Variants in PGR observed in about 807,000 individuals in gnomAD.
PGR encodes progesterone receptor.
PGR carries 25 observed loss-of-function variants against 76.1 expected under a neutral mutation model. That is an observed-to-expected ratio of 0.33 (90% CI 0.24 to 0.46). The LOEUF (loss-of-function observed/expected upper bound fraction) is 0.46. PGR is among the 20% of genes least tolerant of loss of function. The pLI is 1.00. For missense variants in PGR, 1,172 were observed against 1,225.3 expected, an observed-to-expected ratio of 0.96 and a Z score of 0.65; for synonymous variants, 579 against 535.0, an observed-to-expected ratio of 1.08 and a Z score of -1.14.
At chr11:101,039,451 T>A (rs1198289546) in intron 7 of PGR, among the ~76,000 whole-genome samples, 180 bp from the exon 8 acceptor site, 1 of 152,002 alleles carries the variant, frequency 6.6e-6, no homozygotes, top group Non-Finnish European at 1.5e-5. Flanking sequence ...AAATGTTATA[T>A]ACTCATGATA....
chr11:101,112,366 C>T (rs1276215775), intron 2 of PGR, among the ~76,000 whole-genome samples: 1 of 151,880 alleles, frequency 6.6e-6, no homozygotes, highest in Non-Finnish European at 1.5e-5. Flanking sequence ...TTAAATGTTG[C>T]GGGAGGATTG....
At chr11:101,119,507 T>A (rs1289646695) in intron 2 of PGR, among the ~76,000 whole-genome samples, 2 of 152,280 alleles carry the variant, frequency 1.3e-5, no homozygotes, top group African/African-American at 4.8e-5. Context: ...CAAATGGTCA[T>A]CTCGTCTTTG....
chr11:101,035,243 AT>A lies in PGR; in HGVS notation c.*3872del, dbSNP rs1859469692. 3 of 224,426 alleles carry A rather than the reference AT, an allele frequency of 1.3e-5. No individual in the cohort carries two copies. Among genetic ancestry groups the A allele is most frequent in the African/African-American group, 6.7e-5 (3 of 44,872 alleles). The allele number at this position is 224,426 out of a possible 1,614,324, so 13.9% of individuals were successfully genotyped here. On this transcript the variant is annotated 3_prime_UTR_variant, in exon 8 of 8. Coordinates refer to ENST00000325455, the MANE Select transcript of PGR (RefSeq NM_000926.4). ...AGAGTATCTTTAAATTTGAAAAAAA[AT>A]GTATGTTTTGGCAAGTTTTGAATGC... is the stretch of plus-strand genomic sequence containing the variant.
chr11:101,128,615 C>T lies in PGR; in HGVS notation c.456G>A (p.Pro152=), dbSNP rs1862979155. ...LFGPELPEDP[P]AAPATQRVLS... is the part of the protein sequence containing the mutation. ...ACACCCGCTGGGTGGCGGGGGCAGC[C>T]GGTGGATCTTCGGGAAGTTCGGGGC... is the stretch of plus-strand genomic sequence containing the variant. Residue 152 remains proline (P), a synonymous_variant, in exon 1 of 8, where the codon CCG becomes CCA. Coordinates refer to ENST00000325455, the MANE Select transcript of PGR (RefSeq NM_000926.4). 5 of 1,589,930 alleles carry T rather than the reference C, an allele frequency of 3.1e-6. No individual in the cohort carries two copies. In the East Asian group the frequency reaches 9.1e-5, roughly 29 times the overall value.
chr11:101,109,817 T>C (rs985846210), intron 2 of PGR, among the ~76,000 whole-genome samples: 2 of 152,222 alleles, frequency 1.3e-5, no homozygotes, highest in Non-Finnish European at 2.9e-5. Context: ...CTTTCAGAGC[T>C]AGATAGGAGA....
Position 101,031,304 on chromosome 11 carries a change from G to A in PGR, c.*7812C>T, listed in dbSNP as rs147888503. On this transcript the variant is annotated 3_prime_UTR_variant, in exon 8 of 8. Coordinates refer to ENST00000325455, the MANE Select transcript of PGR (RefSeq NM_000926.4). Reference sequence around the variant, plus strand: ...ACCAGGCATAACTAACAAGGGACTGGTGTATGGCCAGTGAGGACCTGGAGA... The same window carrying A: ...ACCAGGCATAACTAACAAGGGACTGATGTATGGCCAGTGAGGACCTGGAGA... 13 of 223,796 alleles carry A rather than the reference G, an allele frequency of 5.8e-5. No individual in the cohort carries two copies. The highest frequency in any genetic ancestry group is 2.9e-4 in the African/African-American group (13 of 44,918). 13.9% of individuals were successfully genotyped at this position (223,796 alleles called of 1,614,324 possible).
rs1203294596 is a variant in PGR, at chr11:101,030,285, C to CA, written c.*8830dup. On this transcript the variant is annotated 3_prime_UTR_variant, in exon 8 of 8. Coordinates refer to ENST00000325455, the MANE Select transcript of PGR (RefSeq NM_000926.4). ...TTTGAAGATTGCATCAACTTCAACACAAAAAAATGTGAATATCTACCATGT... is the reference window on the plus strand; with the variant it reads ...TTTGAAGATTGCATCAACTTCAACACAAAAAAAATGTGAATATCTACCATGT... The CA allele has an allele frequency of 2.2e-5, 5 of 224,198 alleles. No homozygotes were observed. Among genetic ancestry groups the CA allele is most frequent in the African/African-American group, 4.5e-5 (2 of 44,918 alleles). 13.9% of individuals were successfully genotyped at this position (224,198 alleles called of 1,614,324 possible). A position where few individuals can be genotyped will look rare whatever the true frequency, so the allele number is the denominator to read the frequency against.
intron 3 of PGR, among the ~76,000 whole-genome samples, chr11:101,073,644 G>T (rs685828): frequency 0.19 from 28,617 of 151,908 alleles, 3,311 homozygotes; most frequent in African/African-American, 0.33. Context: ...AATGATAAAG[G>T]GGATATCACC....
At chr11:101,127,221 T>C (rs145219282) in intron 1 of PGR, 24 of 399,262 alleles carry the variant, frequency 6.0e-5, no homozygotes, top group African/African-American at 5.0e-4. Context: ...AAATAGTATA[T>C]TCTGCGCCCA....
At chr11:101,095,513 AT>A (rs1205570025) in intron 2 of PGR, among the ~76,000 whole-genome samples, 1 of 152,238 alleles carries the variant, frequency 6.6e-6, no homozygotes, top group East Asian at 1.9e-4. Context: ...TAATATTCTC[AT>A]TTTATACAGA....
chr11:101,036,691 C>T lies in PGR; in HGVS notation c.*2425G>A, dbSNP rs1273262975. 8 of 201,936 alleles carry T rather than the reference C, an allele frequency of 4.0e-5. No individual in the cohort carries two copies. In the Admixed American group the frequency reaches 4.8e-4, roughly 12 times the overall value. 12.5% of individuals were successfully genotyped at this position (201,936 alleles called of 1,614,324 possible). On this transcript the variant is annotated 3_prime_UTR_variant, in exon 8 of 8. Transcript: ENST00000325455. Reference sequence around the variant, plus strand: ...TAAATATTAAATCCTAGTGTTTAGACATCTACATTGCAGACAGAGATCAAC... The same window carrying T: ...TAAATATTAAATCCTAGTGTTTAGATATCTACATTGCAGACAGAGATCAAC...
At chr11:101,078,494 T>C (rs1235625008) in intron 3 of PGR, among the ~76,000 whole-genome samples, 3 of 152,194 alleles carry the variant, frequency 2.0e-5, no homozygotes, top group Admixed American at 6.5e-5. Flanking sequence ...CAAAAATGTT[T>C]TCTAGAAGAA....
At chr11:101,046,173 A>C (rs1371065164) in intron 6 of PGR, among the ~76,000 whole-genome samples, 4 of 151,118 alleles carry the variant, frequency 2.6e-5, no homozygotes, top group Non-Finnish European at 5.9e-5. Context: ...TCACCCAGGC[A>C]GGAGTACAGT....
Position 101,036,002 on chromosome 11 carries a change from TG to T in PGR, c.*3113del. The T allele has an allele frequency of 4.4e-6, 1 of 226,556 alleles. No homozygotes were observed. The highest frequency in any genetic ancestry group is 1.3e-3 in the Middle Eastern group (1 of 746). 14.0% of individuals were successfully genotyped at this position (226,556 alleles called of 1,614,324 possible). ...CCATTTCTATTCATTACAAAGCACTTGGGAAAGGCAGGTTTAATCAGAGCAG... is the reference window on the plus strand; with the variant it reads ...CCATTTCTATTCATTACAAAGCACTTGGAAAGGCAGGTTTAATCAGAGCAG... On this transcript the variant is annotated 3_prime_UTR_variant, in exon 8 of 8. Transcript: ENST00000325455.
chr11:101,033,957 AC>A lies in PGR; in HGVS notation c.*5158del. ...ATAAGCTATAGCATATGTCCTGAAA[AC>A]TATTTACAATACCATTTAAATATTT... On this transcript the variant is annotated 3_prime_UTR_variant, in exon 8 of 8. Transcript: ENST00000325455. 1 of 226,216 alleles carries A rather than the reference AC, an allele frequency of 4.4e-6. No individual in the cohort carries two copies. The highest frequency in any genetic ancestry group is 1.3e-3 in the Middle Eastern group (1 of 744). 14.0% of individuals were successfully genotyped at this position (226,216 alleles called of 1,614,324 possible). A position where few individuals can be genotyped will look rare whatever the true frequency, so the allele number is the denominator to read the frequency against.
chr11:101,092,153 G>A (rs1861695622), intron 2 of PGR, among the ~76,000 whole-genome samples: 1 of 152,096 alleles, frequency 6.6e-6, no homozygotes, highest in African/African-American at 2.4e-5. Flanking sequence ...CTTCTTAATG[G>A]TGTCAGTATC....
rs1371701239 is a variant in PGR, at chr11:101,031,213, C to G, written c.*7903G>C. 4.6e-6 allele frequency: 1 copy of G among 219,258 alleles called. No homozygotes were observed. The highest frequency in any genetic ancestry group is 9.2e-6 in the Non-Finnish European group (1 of 109,256). 13.6% of individuals were successfully genotyped at this position (219,258 alleles called of 1,614,324 possible). Reference sequence around the variant, plus strand: ...GTCCCAGCACTCTGCAGTGCTGAAGCTGAAAGAATAGATAAATTCACAAGC... The same window carrying G: ...GTCCCAGCACTCTGCAGTGCTGAAGGTGAAAGAATAGATAAATTCACAAGC... On this transcript the variant is annotated 3_prime_UTR_variant, in exon 8 of 8. Coordinates refer to ENST00000325455, the MANE Select transcript of PGR (RefSeq NM_000926.4).
chr11:101,085,723 GAGA>G (rs1861477698), intron 3 of PGR, among the ~76,000 whole-genome samples: 2 of 151,962 alleles, frequency 1.3e-5, no homozygotes, highest in African/African-American at 4.8e-5. Flanking sequence ...GAAAAAAAGA[GAGA>G]AGATCCAAAT....
At chr11:101,064,356 A>C (rs898500875) in intron 3 of PGR, among the ~76,000 whole-genome samples, 39 of 145,390 alleles carry the variant, frequency 2.7e-4, no homozygotes, top group South Asian at 1.1e-3. Context: ...AAAAAAAAAA[A>C]AAAAAAAAAA....
Sources: gnomAD v4.1 joint callset for allele counts (sites outside exome capture counted in the v4.1 genomes callset) on GRCh38, gnomAD v4.1.1 for gene constraint, MANE v1.5 for transcripts, NCBI Gene and HGNC (gene_info 2026-07-23, HGNC 2026-07-21) for gene names.